The following TMCO5A variants were observed in gnomAD, a reference collection of about 807,000 sequenced individuals.
The protein encoded by TMCO5A is transmembrane and coiled-coil domain-containing protein 5A.
In TMCO5A, 34 loss-of-function variants were observed where a neutral mutation model predicts 42.3. The ratio of observed to expected loss-of-function variants is 0.80; its 90% CI spans 0.61 to 1.07. TMCO5A has a LOEUF of 1.07. TMCO5A is among the 50% of genes least tolerant of loss of function. The probability of loss-of-function intolerance (pLI) is 0.00; values close to 1 mark genes in which losing one functional copy is unlikely to be tolerated. For missense variants in TMCO5A, 357 were observed against 327.9 expected, an observed-to-expected ratio of 1.09 and a Z score of -0.69; for synonymous variants, 131 against 115.6, an observed-to-expected ratio of 1.13 and a Z score of -0.86.
At chr15:37,964,304 GC>G (rs1890504628) in intron 11 of TMCO5A, among the ~76,000 whole-genome samples, 1 of 152,144 alleles carries the variant, frequency 6.6e-6, no homozygotes, top group African/African-American at 2.4e-5. Context: ...TCTACCAGGT[GC>G]CAGGCTGGTA....
chr15:37,973,125 A>G, the TMCO5A span, among the ~76,000 whole-genome samples: 1 of 148,500 alleles, frequency 6.7e-6, no homozygotes, highest in Non-Finnish European at 1.5e-5. Flanking sequence ...ACTCTGTTCC[A>G]TCAGTCTATG....
At chr15:37,965,108 T>C (rs1890525789) in intron 11 of TMCO5A, among the ~76,000 whole-genome samples, 1 of 151,978 alleles carries the variant, frequency 6.6e-6, no homozygotes, top group South Asian at 2.1e-4. Flanking sequence ...GAAACAAATA[T>C]GCACACCTAA....
chr15:37,945,613 C>A (rs1264651044), intron 10 of TMCO5A, among the ~76,000 whole-genome samples: 1 of 152,078 alleles, frequency 6.6e-6, no homozygotes, highest in Non-Finnish European at 1.5e-5. Flanking sequence ...ATTTGCATTT[C>A]TCTAATGATC....
intron 11 of TMCO5A, among the ~76,000 whole-genome samples, chr15:37,964,968 G>C (rs7166909): frequency 0.25 from 38,590 of 151,854 alleles, 5,288 homozygotes; most frequent in African/African-American, 0.33. Context: ...CTATCCTAAG[G>C]AAAAAGAATA....
At chr15:37,990,456 G>A in the TMCO5A span, among the ~76,000 whole-genome samples, 267 of 152,154 alleles carry the variant, frequency 1.8e-3, no homozygotes, top group African/African-American at 6.1e-3. Flanking sequence ...CAAGTTGTAT[G>A]GAATATCTTT....
At chr15:37,968,128 C>T (rs1384741039), downstream of TMCO5A, among the ~76,000 whole-genome samples, 1 of 152,096 alleles carries the variant, frequency 6.6e-6, no homozygotes, top group African/African-American at 2.4e-5. Context: ...TAACAGTGTC[C>T]CATGCTTAGA....
chr15:38,012,357 C>T, the TMCO5A span, among the ~76,000 whole-genome samples: 2 of 152,266 alleles, frequency 1.3e-5, no homozygotes, highest in East Asian at 3.9e-4. Context: ...ACATTCACAC[C>T]ACTCAAATCA....
rs114798026 is a variant in TMCO5A at position 37,966,694 on chromosome 15, C to A, written c.*51C>A. Reference sequence around the variant, plus strand: ...GATCTCGTACTACCAGATTGGCAACCTTTGCAGAATAAAAGTCTTTTCCAA... The same window carrying A: ...GATCTCGTACTACCAGATTGGCAACATTTGCAGAATAAAAGTCTTTTCCAA... On this transcript the variant is annotated 3_prime_UTR_variant, in exon 12 of 12. Transcript: ENST00000559502. 99 of 702,782 alleles carry A rather than the reference C, an allele frequency of 1.4e-4. 1 individual carries two copies. In the South Asian group the frequency reaches 1.5e-3, roughly 10 times the overall value. 43.5% of individuals were successfully genotyped at this position (702,782 alleles called of 1,614,324 possible). A position where few individuals can be genotyped will look rare whatever the true frequency, so the allele number is the denominator to read the frequency against.
chr15:37,997,908 T>C, the TMCO5A span, among the ~76,000 whole-genome samples: 1 of 152,178 alleles, frequency 6.6e-6, no homozygotes, highest in Non-Finnish European at 1.5e-5. Context: ...GGGGTGAGAT[T>C]ATATTTCATC....
Position 37,950,971 on chromosome 15 carries a change from G to T in TMCO5A, c.669-65G>T. ...AGGAGCCAGATATGCATTCAGGTAT[G>T]ATTTATTTTTTGTTCCAAGTTTTCT... On this transcript the variant is annotated intron_variant, in intron 11 of 11. Transcript: ENST00000319669. 2.8e-6 allele frequency: 4 copies of T among 1,417,088 alleles called. No individual in the cohort carries two copies. In the South Asian group the frequency reaches 4.9e-5, roughly 17 times the overall value. The allele number at this position is 1,417,088 out of a possible 1,614,324, so 87.8% of individuals were successfully genotyped here. A position where few individuals can be genotyped will look rare whatever the true frequency, so the allele number is the denominator to read the frequency against.
At chr15:38,007,872 C>CTTTTTT in the TMCO5A span, among the ~76,000 whole-genome samples, 88 of 47,406 alleles carry the variant, frequency 1.9e-3, 23 homozygotes, top group East Asian at 7.8e-3. Flanking sequence ...CTCACCCACA[C>CTTTTTT]TTTTTTTTTT....
At chr15:37,951,777 A>G (rs1003096812), downstream of TMCO5A, among the ~76,000 whole-genome samples, 1 of 152,132 alleles carries the variant, frequency 6.6e-6, no homozygotes, top group South Asian at 2.1e-4. Context: ...TAAACAAAGA[A>G]AGCACCTTTT....
the TMCO5A span, among the ~76,000 whole-genome samples, chr15:37,981,133 C>G: frequency 7.0e-6 from 1 of 142,986 alleles, no homozygotes; most frequent in African/African-American, 2.6e-5. Context: ...GAATCATACC[C>G]AGAATATAGC....
intron 1 of TMCO5A, 117 bp from the exon 2 acceptor site, chr15:37,935,140 G>A (rs936546404): frequency 8.6e-5 from 13 of 152,004 alleles, no homozygotes; most frequent in African/African-American, 3.1e-4. Context: ...GGGATTAGAG[G>A]GAGAAAATGA....
the TMCO5A span, among the ~76,000 whole-genome samples, chr15:38,017,310 T>C: frequency 6.6e-6 from 1 of 152,212 alleles, no homozygotes; most frequent in East Asian, 1.9e-4. Context: ...TAGTTTGGTT[T>C]CCTAACGGAG....
At position 37,947,703 on chromosome 15, in the gene TMCO5A, A is replaced by G; in HGVS notation, c.668+7A>G. ...CAAGATTATTCAGTAAAAAGTAAGTAAAATATCTTCAGGTAAACTTCCTAT... is the reference window on the plus strand; with the variant it reads ...CAAGATTATTCAGTAAAAAGTAAGTGAAATATCTTCAGGTAAACTTCCTAT... On this transcript the variant is annotated splice_region_variant and intron_variant, in intron 11 of 11. Transcript: ENST00000319669. 1.3e-6 allele frequency: 2 copies of G among 1,584,332 alleles called. No individual in the cohort carries two copies. The highest frequency in any genetic ancestry group is 1.7e-6 in the Non-Finnish European group (2 of 1,157,134).
chr15:37,982,704 T>C, the TMCO5A span, among the ~76,000 whole-genome samples: 1,965 of 143,098 alleles, frequency 0.014, 41 homozygotes, highest in African/African-American at 0.048. Context: ...ATATGATCTA[T>C]GTTTATAATT....
chr15:38,010,424 A>AACACACACACACACACAC, the TMCO5A span, among the ~76,000 whole-genome samples: 1 of 30,058 alleles, frequency 3.3e-5, no homozygotes, highest in Non-Finnish European at 7.2e-5. Context: ...GCAGAGGGAG[A>AACACACACACACACACAC]TCACACACAC....
chr15:37,947,741 C>T (rs775885679), intron 11 of TMCO5A, 45 bp downstream of exon 11: 6 of 1,351,882 alleles, frequency 4.4e-6, no homozygotes, highest in Non-Finnish European at 6.3e-6. Context: ...AATTGGGAGC[C>T]CTATTTAGCT....
Sources: gnomAD v4.1 joint callset for allele counts (sites outside exome capture counted in the v4.1 genomes callset) on GRCh38, gnomAD v4.1.1 for gene constraint, MANE v1.5 for transcripts, NCBI Gene and HGNC (gene_info 2026-07-23, HGNC 2026-07-21) for gene names.